The following NCK2 variants were observed in gnomAD, a reference collection of about 807,000 sequenced individuals.
The protein encoded by NCK2 is cytoplasmic protein NCK2.
A neutral mutation model predicts 33.9 loss-of-function variants in NCK2; 16 were observed. That is an observed-to-expected ratio of 0.47 (90% CI 0.32 to 0.72). The LOEUF (loss-of-function observed/expected upper bound fraction) is 0.72. NCK2 is among the 30% of genes least tolerant of loss of function. The pLI is 0.03. For synonymous variants in NCK2, 273 were observed against 239.9 expected (o/e 1.14, Z -1.27); for missense variants, 418 against 537.3 (o/e 0.78, Z 2.19).
intron 3 of NCK2, among the ~76,000 whole-genome samples, chr2:105,871,556 C>T (rs556046855): frequency 1.3e-5 from 2 of 151,878 alleles, no homozygotes; most frequent in South Asian, 4.2e-4. Context: ...AGTGCAGTGG[C>T]GCGATCTCGG....
Position 105,819,602 on chromosome 2 carries a change from A to G in NCK2, c.-17+2989A>G, listed in dbSNP as rs34565455. On this transcript the variant is annotated intron_variant, in intron 2 of 4. Coordinates refer to ENST00000233154, the MANE Select transcript of NCK2 (RefSeq NM_003581.5). Reference sequence around the variant, plus strand: ...AGGTGGTGAGGCAGGGGAGTGTGGCATGCTCACCCAGCAGCTCAGTCTGCA... The same window carrying G: ...AGGTGGTGAGGCAGGGGAGTGTGGCGTGCTCACCCAGCAGCTCAGTCTGCA... Among the ~76,000 whole-genome samples the G allele has an allele frequency of 9.0e-3, 1,372 of 152,280 alleles. 10 individuals are homozygous for G. The highest frequency in any genetic ancestry group is 0.014 in the Middle Eastern group (4 of 294).
chr2:105,801,825 A>G (rs1674851937), intron 1 of NCK2, among the ~76,000 whole-genome samples: 1 of 152,100 alleles, frequency 6.6e-6, no homozygotes, highest in Non-Finnish European at 1.5e-5. Flanking sequence ...GGGACTTTAC[A>G]GGGCGCTTTT....
intron 1 of NCK2, among the ~76,000 whole-genome samples, chr2:105,773,770 C>G (rs544661256): frequency 5.3e-5 from 8 of 152,286 alleles, no homozygotes; most frequent in Admixed American, 2.6e-4. Context: ...AAAAGGAGCA[C>G]CCAAGTGCTT....
chr2:105,762,952 T>C (rs1364458673), intron 1 of NCK2, among the ~76,000 whole-genome samples: 2 of 152,190 alleles, frequency 1.3e-5, no homozygotes, highest in African/African-American at 4.8e-5. Context: ...CCTAGCACTT[T>C]GGGAGGCCGA....
At position 105,893,558 on chromosome 2, in the gene NCK2, T is replaced by G. The variant is rs1679087808; in HGVS notation, c.*382T>G. The stretch of plus-strand genomic sequence containing the variant: ...GCGCCCGTGTCCTGGGCACTCAGCG[T>G]GCTGGGCAGAGCAGGTGCGATGGCC... On this transcript the variant is annotated 3_prime_UTR_variant, in exon 5 of 5. Coordinates refer to ENST00000233154, the MANE Select transcript of NCK2 (RefSeq NM_003581.5). 4.4e-6 allele frequency: 1 copy of G among 229,390 alleles called. No homozygotes were observed. 14.2% of individuals were successfully genotyped at this position (229,390 alleles called of 1,614,324 possible).
chr2:105,758,413 G>GTTTTTTTTT (rs574939583), intron 1 of NCK2, among the ~76,000 whole-genome samples: 6 of 132,518 alleles, frequency 4.5e-5, no homozygotes, highest in Non-Finnish European at 6.4e-5. Context: ...TGTTGTTTTT[G>GTTTTTTTTT]TTTTTTTTTT....
At position 105,816,073 on chromosome 2, in the gene NCK2, G is replaced by A. The variant is rs568609760; in HGVS notation, c.-200-357G>A. On this transcript the variant is annotated intron_variant, in intron 1 of 4. Coordinates refer to ENST00000233154, the MANE Select transcript of NCK2 (RefSeq NM_003581.5). The stretch of plus-strand genomic sequence containing the variant: ...AGGGAATGAAAGGTGGGAAGAGGGA[G>A]TACATGTGTGTTGATGGAGGTCTTT... Among the ~76,000 whole-genome samples, 3 of 151,522 alleles carry A rather than the reference G, an allele frequency of 2.0e-5. No individual in the cohort carries two copies. The East Asian group carries it at 5.8e-4, about 29-fold the overall frequency.
chr2:105,799,869 A>G (rs937691968), intron 1 of NCK2, among the ~76,000 whole-genome samples: 1 of 152,164 alleles, frequency 6.6e-6, no homozygotes. Context: ...GGATCAGGGA[A>G]TTTGATTGAA....
At chr2:105,874,653 G>A (rs775045823) in intron 3 of NCK2, among the ~76,000 whole-genome samples, 3 of 152,200 alleles carry the variant, frequency 2.0e-5, no homozygotes, top group Non-Finnish European at 2.9e-5. Flanking sequence ...TTTGTTTGAC[G>A]CTTCAGCTTA....
chr2:105,769,278 C>A (rs540626046), intron 1 of NCK2, among the ~76,000 whole-genome samples: 1 of 150,624 alleles, frequency 6.6e-6, no homozygotes, highest in East Asian at 2.0e-4. Context: ...CCGCCCCACC[C>A]CTCCCCTCCC....
intron 2 of NCK2, among the ~76,000 whole-genome samples, chr2:105,849,997 C>T (rs948800612): frequency 5.3e-5 from 8 of 152,130 alleles, no homozygotes; most frequent in African/African-American, 1.9e-4. Context: ...CAGTAAGGCC[C>T]ACACCTATAT....
At chr2:105,767,026 C>T (rs1195523140) in intron 1 of NCK2, among the ~76,000 whole-genome samples, 1 of 152,178 alleles carries the variant, frequency 6.6e-6, no homozygotes, top group African/African-American at 2.4e-5. Context: ...TGTGTCACAC[C>T]TACTCTTATG....
At position 105,785,853 on chromosome 2, in the gene NCK2, C is replaced by T. The variant is rs76835062; in HGVS notation, c.-200-30577C>T. Among the ~76,000 whole-genome samples the T allele has an allele frequency of 3.9e-5, 6 of 152,240 alleles. No individual in the cohort carries two copies. The East Asian group carries it at 1.2e-3, about 29-fold the overall frequency. ...TATTTAGCTGTTCTCATTTGATGTG[C>T]TGAAGAAAATAAATACGATATCTAG... On this transcript the variant is annotated intron_variant, in intron 1 of 4. Coordinates refer to ENST00000233154, the MANE Select transcript of NCK2 (RefSeq NM_003581.5).
intron 1 of NCK2, among the ~76,000 whole-genome samples, chr2:105,808,939 G>T (rs1359549442): frequency 6.6e-6 from 1 of 152,204 alleles, no homozygotes; most frequent in African/African-American, 2.4e-5. Context: ...GAGGGCTGGG[G>T]TGTGACTGCA....
chr2:105,877,439 C>G (rs1327508562), intron 3 of NCK2, among the ~76,000 whole-genome samples: 1 of 152,226 alleles, frequency 6.6e-6, no homozygotes, highest in Non-Finnish European at 1.5e-5. Flanking sequence ...CCATTGACGT[C>G]TTTCCCACAC....
intron 4 of NCK2, among the ~76,000 whole-genome samples, chr2:105,888,004 G>A (rs190405416): frequency 3.3e-5 from 5 of 152,326 alleles, no homozygotes; most frequent in South Asian, 2.1e-4. Flanking sequence ...AAGTCTGCAC[G>A]TTTGTTGAAC....
chr2:105,755,513 G>A (rs1689575252), intron 1 of NCK2, among the ~76,000 whole-genome samples: 2 of 152,210 alleles, frequency 1.3e-5, no homozygotes, highest in Non-Finnish European at 2.9e-5. Context: ...CCTCCGGTTG[G>A]TGAGGGTTCC....
Position 105,881,656 on chromosome 2 carries a change from C to T in NCK2, c.555C>T (p.Gly185=). ...CAAGCTTCCTGAGCCTGCGCAAGGGCGCCTCGCTGAGCAATGGCCAGGGCT... is the reference window on the plus strand; with the variant it reads ...CAAGCTTCCTGAGCCTGCGCAAGGGTGCCTCGCTGAGCAATGGCCAGGGCT... ...ESPSFLSLRK[G]ASLSNGQGSR... Residue 185 remains glycine (G), a synonymous_variant, in exon 4 of 5, where the codon GGC becomes GGT. Transcript: ENST00000233154. 5 of 1,613,024 alleles carry T rather than the reference C, an allele frequency of 3.1e-6. No homozygotes were observed. The South Asian group carries it at 3.3e-5, about 11-fold the overall frequency.
chr2:105,803,976 A>C (rs1245485767), intron 1 of NCK2, among the ~76,000 whole-genome samples: 1 of 152,232 alleles, frequency 6.6e-6, no homozygotes, highest in African/African-American at 2.4e-5. Context: ...AATCTGAGTC[A>C]TGGATTGCAA....
Sources: gnomAD v4.1 joint callset for allele counts (sites outside exome capture counted in the v4.1 genomes callset) on GRCh38, gnomAD v4.1.1 for gene constraint, MANE v1.5 for transcripts, NCBI Gene and HGNC (gene_info 2026-07-23, HGNC 2026-07-21) for gene names.